The following VPS4B variants were observed in gnomAD, a reference collection of about 807,000 sequenced individuals.
The protein encoded by VPS4B is vacuolar protein sorting-associated protein 4B.
A neutral mutation model predicts 56.1 loss-of-function variants in VPS4B; 23 were observed. The observed-to-expected ratio is 0.41, with a 90% confidence interval of 0.30 to 0.58. The LOEUF is 0.58. VPS4B is among the 20% of genes least tolerant of loss of function. The probability of loss-of-function intolerance (pLI) is 0.29; values close to 1 mark genes in which losing one functional copy is unlikely to be tolerated. For synonymous variants in VPS4B, 177 were observed against 186.0 expected, an observed-to-expected ratio of 0.95 and a Z score of 0.39; for missense variants, 372 against 531.9, an observed-to-expected ratio of 0.70 and a Z score of 2.96.
chr18:63,406,778 C>T lies in VPS4B; in HGVS notation c.364+654G>A, dbSNP rs563470380. Among the ~76,000 whole-genome samples, 5 of 152,286 alleles carry T rather than the reference C, an allele frequency of 3.3e-5. No homozygotes were observed. In the East Asian group the frequency reaches 7.7e-4, roughly 24 times the overall value. ...TCATTTCTATTTTAGAGATGGGGGA[C>T]GCTGGTTCTGAGAGATTCAGTCACT... On this transcript the variant is annotated intron_variant, in intron 4 of 10. Coordinates refer to ENST00000238497, the MANE Select transcript of VPS4B (RefSeq NM_004869.4).
chr18:63,401,761 G>C (rs1490887910), intron 5 of VPS4B, among the ~76,000 whole-genome samples: 2 of 152,224 alleles, frequency 1.3e-5, no homozygotes, highest in Non-Finnish European at 2.9e-5. Context: ...GAGAGGCTGA[G>C]ATGGGCGGAT....
chr18:63,396,086 T>A (rs886977354), intron 9 of VPS4B, among the ~76,000 whole-genome samples: 2 of 152,240 alleles, frequency 1.3e-5, no homozygotes, highest in Admixed American at 1.3e-4. Context: ...TTATTATTTT[T>A]ACTTTATGAG....
At chr18:63,410,549 G>C (rs1311710559) in intron 2 of VPS4B, 103 bp from the exon 3 acceptor site, 14 of 1,404,246 alleles carry the variant, frequency 1.0e-5, no homozygotes, top group African/African-American at 1.4e-5. Flanking sequence ...TTCTATGTTG[G>C]AAGAAGGAGG....
intron 4 of VPS4B, among the ~76,000 whole-genome samples, chr18:63,406,222 C>T (rs1772265293): frequency 6.6e-6 from 1 of 152,174 alleles, no homozygotes; most frequent in African/African-American, 2.4e-5. Flanking sequence ...GTGGGGACAC[C>T]ACTACGCTTG....
At chr18:63,420,778 GCCT>G (rs917431221) in intron 1 of VPS4B, among the ~76,000 whole-genome samples, 7 of 151,984 alleles carry the variant, frequency 4.6e-5, no homozygotes, top group Admixed American at 1.3e-4. Flanking sequence ...GGTGACTCAC[GCCT>G]GTAATCCCAG....
At chr18:63,394,265 C>T (rs1229485861) in intron 9 of VPS4B, among the ~76,000 whole-genome samples, 1 of 152,152 alleles carries the variant, frequency 6.6e-6, no homozygotes, top group African/African-American at 2.4e-5. Flanking sequence ...ATATTTGGAA[C>T]TTTAGTATGA....
At chr18:63,395,990 C>A (rs1915660320) in intron 9 of VPS4B, among the ~76,000 whole-genome samples, 1 of 152,184 alleles carries the variant, frequency 6.6e-6, no homozygotes, top group Non-Finnish European at 1.5e-5. Context: ...ACCTCTCTTG[C>A]TGATTTTTGT....
At chr18:63,404,899 T>C (rs1323326678) in intron 4 of VPS4B, among the ~76,000 whole-genome samples, 1 of 152,170 alleles carries the variant, frequency 6.6e-6, no homozygotes, top group Non-Finnish European at 1.5e-5. Context: ...CCATAAGCAT[T>C]TTGTATTCCA....
intron 1 of VPS4B, chr18:63,415,920 G>T: frequency 4.9e-6 from 1 of 205,368 alleles, no homozygotes; most frequent in Non-Finnish European, 1.0e-5. Context: ...GTACCACCCT[G>T]GGTTGTGTGA....
chr18:63,403,014 G>C (rs1915845186), intron 5 of VPS4B, among the ~76,000 whole-genome samples: 1 of 152,152 alleles, frequency 6.6e-6, no homozygotes, highest in African/African-American at 2.4e-5. Context: ...ATAATATAAA[G>C]GAATGGTTTA....
At position 63,390,973 on chromosome 18, in the gene VPS4B, G is replaced by A. The variant is rs757809299; in HGVS notation, c.*2C>T. ...ATGGTAAGCATCTTCCTTGTCTTTGGCTTAGCCTTCTTGACCAAAATCTTC... is the reference window on the plus strand; with the variant it reads ...ATGGTAAGCATCTTCCTTGTCTTTGACTTAGCCTTCTTGACCAAAATCTTC... On this transcript the variant is annotated 3_prime_UTR_variant, in exon 11 of 11. Transcript: ENST00000238497. The A allele has an allele frequency of 5.7e-6, 9 of 1,587,266 alleles. No individual in the cohort carries two copies. Among genetic ancestry groups the A allele is most frequent in the Admixed American group, 1.7e-5 (1 of 59,838 alleles).
chr18:63,416,951 A>G (rs1184657973), intron 1 of VPS4B, among the ~76,000 whole-genome samples: 1 of 152,056 alleles, frequency 6.6e-6, no homozygotes, highest in African/African-American at 2.4e-5. Flanking sequence ...TCATCCCATC[A>G]CTGTCATTGT....
intron 3 of VPS4B, 125 bp downstream of exon 3, chr18:63,410,165 A>C: frequency 7.7e-7 from 1 of 1,300,280 alleles, no homozygotes; most frequent in South Asian, 1.4e-5. Context: ...GCTTATTCCA[A>C]AAACAGGCAG....
chr18:63,395,196 T>C (rs1348213788), intron 9 of VPS4B, among the ~76,000 whole-genome samples: 2 of 152,192 alleles, frequency 1.3e-5, no homozygotes, highest in Non-Finnish European at 1.5e-5. Context: ...GGCAGTAATA[T>C]GCAGAATTGA....
intron 2 of VPS4B, 72 bp from the exon 3 acceptor site, chr18:63,410,518 G>T: frequency 6.4e-7 from 1 of 1,554,000 alleles, no homozygotes; most frequent in Non-Finnish European, 8.7e-7. Flanking sequence ...TCTTAAATAT[G>T]TATTTTTTCA....
intron 1 of VPS4B, among the ~76,000 whole-genome samples, chr18:63,421,156 A>G (rs1916291159): frequency 6.6e-6 from 1 of 152,166 alleles, no homozygotes; most frequent in East Asian, 1.9e-4. Context: ...TTTGTGAAAG[A>G]TAACAATTAT....
rs184625603 is a variant in VPS4B at position 63,421,175 on chromosome 18, T to A, written c.27+1058A>T. 2.1e-3 allele frequency among the ~76,000 whole-genome samples: 321 copies of A among 152,262 alleles called. 1 individual carries two copies. The highest frequency in any genetic ancestry group is 4.1e-3 in the Non-Finnish European group (276 of 68,016). On this transcript the variant is annotated intron_variant, in intron 1 of 10. Coordinates refer to ENST00000238497, the MANE Select transcript of VPS4B (RefSeq NM_004869.4). The stretch of plus-strand genomic sequence containing the variant: ...TGAAAGATAACAATTATTTTAATAA[T>A]CTTCTAGGTCGATTTTCAAGATGAA...
chr18:63,391,913 ACTC>A (rs1915556925), intron 10 of VPS4B, among the ~76,000 whole-genome samples: 2 of 152,094 alleles, frequency 1.3e-5, no homozygotes, highest in Non-Finnish European at 2.9e-5. Flanking sequence ...CTAAGCCTAG[ACTC>A]CTGTAAAAGG....
Position 63,407,504 on chromosome 18 carries a change from TA to T in VPS4B, c.297-6del. 6.3e-7 allele frequency: 1 copy of T among 1,599,030 alleles called. No individual in the cohort carries two copies. Among genetic ancestry groups the T allele is most frequent in the Admixed American group, 1.7e-5 (1 of 57,444 alleles). On this transcript the variant is annotated splice_polypyrimidine_tract_variant and splice_region_variant and intron_variant, in intron 3 of 10. Transcript: ENST00000238497. ...CCTTCCCCATCACTGTCATTCCTAA[TA>T]AAAAGAATTTAATATATTCAAATGA...
Sources: gnomAD v4.1 joint callset for allele counts (sites outside exome capture counted in the v4.1 genomes callset) on GRCh38, gnomAD v4.1.1 for gene constraint, MANE v1.5 for transcripts, NCBI Gene and HGNC (gene_info 2026-07-23, HGNC 2026-07-21) for gene names.